FBXO34: variants seen among roughly 807,000 people sequenced by gnomAD.
FBXO34 encodes F-box only protein 34.
FBXO34 carries 12 observed loss-of-function variants against 24.5 expected under a neutral mutation model. The observed-to-expected ratio is 0.49, with a 90% CI of 0.31 to 0.79. FBXO34 has a LOEUF of 0.79. Ranked by LOEUF, FBXO34 falls within the 30% of genes least tolerant of loss-of-function variation. The probability of loss-of-function intolerance (pLI) is 0.04; values close to 1 mark genes in which losing one functional copy is unlikely to be tolerated. For synonymous variants in FBXO34, 320 were observed against 311.9 expected (o/e 1.03, Z -0.27); for missense variants, 823 against 857.7 (o/e 0.96, Z 0.51).
chr14:55,334,861 G>A (rs1421540476), intron 1 of FBXO34, among the ~76,000 whole-genome samples: 3 of 152,154 alleles, frequency 2.0e-5, no homozygotes, highest in Non-Finnish European at 4.4e-5. Context: ...CCACTGCTGC[G>A]CTGAGTTTTC....
intron 1 of FBXO34, among the ~76,000 whole-genome samples, chr14:55,325,200 T>C (rs1883299625): frequency 6.6e-6 from 1 of 152,242 alleles, no homozygotes; most frequent in Admixed American, 6.5e-5. Flanking sequence ...CTTTAATCTG[T>C]TATATTTTAG....
At chr14:55,395,359 T>G in the FBXO34 span, 1 of 211,086 alleles carries the variant, frequency 4.7e-6, no homozygotes, top group Non-Finnish European at 9.4e-6. Context: ...AATTTTTTGT[T>G]TGTTTGTTTG....
chr14:55,343,220 T>C (rs1884048117), intron 1 of FBXO34, among the ~76,000 whole-genome samples: 1 of 151,338 alleles, frequency 6.6e-6, no homozygotes. Context: ...CTTTGTATAC[T>C]ATTCTATTTT....
At position 55,352,915 on chromosome 14, in the gene FBXO34, A is replaced by C. The variant is rs1884442565; in HGVS notation, c.*389A>C. 5.5e-6 allele frequency: 1 copy of C among 181,576 alleles called. No individual in the cohort carries two copies. The highest frequency in any genetic ancestry group is 1.3e-5 in the Non-Finnish European group (1 of 77,348). The allele number at this position is 181,576 out of a possible 1,614,324, so 11.2% of individuals were successfully genotyped here. ...TCCAGAAATGTTTTGAGCACTGGCA[A>C]CATATTTGAAATAAGTGAATATTGT... On this transcript the variant is annotated 3_prime_UTR_variant, in exon 2 of 2. Transcript: ENST00000313833.
chr14:55,418,212 G>C, the FBXO34 span, among the ~76,000 whole-genome samples: 1 of 152,250 alleles, frequency 6.6e-6, no homozygotes, highest in Admixed American at 6.5e-5. Flanking sequence ...ATTCCTGCCA[G>C]ATGGGGAGTA....
intron 1 of FBXO34, among the ~76,000 whole-genome samples, chr14:55,349,262 C>G (rs1884259252): frequency 6.6e-6 from 1 of 151,916 alleles, no homozygotes; most frequent in Non-Finnish European, 1.5e-5. Context: ...ATCACCATGT[C>G]TAGATAATCA....
intron 1 of FBXO34, among the ~76,000 whole-genome samples, chr14:55,335,844 G>T (rs187995536): frequency 3.2e-4 from 49 of 152,246 alleles, no homozygotes; most frequent in African/African-American, 1.0e-3. Flanking sequence ...GCTCTTTAGA[G>T]CAATGTATAA....
At chr14:55,437,106 G>A in the FBXO34 span, 2 of 1,164,780 alleles carry the variant, frequency 1.7e-6, no homozygotes, top group Non-Finnish European at 2.5e-6. Context: ...CAGGCAGGCA[G>A]GCAATGTATT....
rs765545892 is a variant in FBXO34 at position 55,351,562 on chromosome 14, C to T, written c.1172C>T (p.Pro391Leu). 35 of 1,614,070 alleles carry T rather than the reference C, an allele frequency of 2.2e-5. No individual in the cohort carries two copies. The South Asian group carries it at 2.3e-4, about 11-fold the overall frequency. ...SFHIDSAELE[P>L]GSQTAVKNSN... ...CACATAGACAGTGCAGAGTTAGAGCCGGGTTCGCAAACTGCCGTGAAAAAC... is the reference window on the plus strand; with the variant it reads ...CACATAGACAGTGCAGAGTTAGAGCTGGGTTCGCAAACTGCCGTGAAAAAC... Residue 391 changes from proline to leucine, a missense_variant, in exon 2 of 2, where the codon CCG becomes CTG. Transcript: ENST00000313833.
chr14:55,278,747 G>A (rs1265063344), intron 1 of FBXO34, among the ~76,000 whole-genome samples: 1 of 152,164 alleles, frequency 6.6e-6, no homozygotes, highest in East Asian at 1.9e-4. Context: ...GAGTACAGTG[G>A]TGCTAACAAG....
chr14:55,420,042 A>T, the FBXO34 span, among the ~76,000 whole-genome samples: 1 of 152,178 alleles, frequency 6.6e-6, no homozygotes, highest in Non-Finnish European at 1.5e-5. Flanking sequence ...TGAGGTGTTC[A>T]CCTGAAATTA....
At chr14:55,385,604 C>G in the FBXO34 span, among the ~76,000 whole-genome samples, 3 of 152,104 alleles carry the variant, frequency 2.0e-5, no homozygotes, top group Non-Finnish European at 4.4e-5. Context: ...TCAGATGGTT[C>G]TTAATCAGGA....
the FBXO34 span, chr14:55,378,032 T>C: frequency 1.2e-6 from 2 of 1,613,168 alleles, no homozygotes; most frequent in Non-Finnish European, 1.7e-6. Context: ...TCTTCACTGC[T>C]CGAGTAAATT....
the FBXO34 span, among the ~76,000 whole-genome samples, chr14:55,405,149 G>A: frequency 6.6e-6 from 1 of 152,202 alleles, no homozygotes. Flanking sequence ...TTGTCTACCT[G>A]TAGAGCTTTT....
At chr14:55,393,790 C>A in the FBXO34 span, among the ~76,000 whole-genome samples, 5 of 152,144 alleles carry the variant, frequency 3.3e-5, no homozygotes, top group Admixed American at 3.3e-4. Context: ...TGGGCTTGAG[C>A]AATCCACCTC....
At chr14:55,317,248 A>T (rs1429083504) in intron 1 of FBXO34, among the ~76,000 whole-genome samples, 1 of 152,196 alleles carries the variant, frequency 6.6e-6, no homozygotes, top group Non-Finnish European at 1.5e-5. Context: ...TTTGCAAGCC[A>T]GTTGCTAAAT....
intron 1 of FBXO34, among the ~76,000 whole-genome samples, chr14:55,338,868 T>C (rs1027605108): frequency 2.0e-5 from 3 of 149,888 alleles, no homozygotes; most frequent in South Asian, 2.1e-4. Flanking sequence ...ATTGCGCCAC[T>C]GCACTCCAGC....
At chr14:55,428,119 C>CTTTTTTTTTTTTTTTTTTTTTT in the FBXO34 span, among the ~76,000 whole-genome samples, 1 of 43,360 alleles carries the variant, frequency 2.3e-5, no homozygotes, top group Non-Finnish European at 3.8e-5. Flanking sequence ...CATGCCTTAT[C>CTTTTTTTTTTTTTTTTTTTTTT]TTTTTTTTTT....
At chr14:55,338,885 G>T (rs1023903205) in intron 1 of FBXO34, among the ~76,000 whole-genome samples, 1 of 147,752 alleles carries the variant, frequency 6.8e-6, no homozygotes, top group South Asian at 2.1e-4. Flanking sequence ...CAGCCTGGGC[G>T]ACAGAGCGAG....
Sources: allele counts gnomAD v4.1 joint callset (sites outside exome capture counted in the v4.1 genomes callset), GRCh38; gene constraint gnomAD v4.1.1; transcripts MANE v1.5; gene names NCBI Gene and HGNC (gene_info 2026-07-23, HGNC 2026-07-21).